The following ADCY1 variants were observed in gnomAD, a reference collection of about 807,000 sequenced individuals.
The protein encoded by ADCY1 is adenylate cyclase type 1.
ADCY1 carries 28 observed loss-of-function variants against 105.4 expected under a neutral mutation model. That is an observed-to-expected ratio of 0.27 (90% confidence interval 0.20 to 0.36). ADCY1 has a LOEUF of 0.36. ADCY1 is among the 10% of genes least tolerant of loss of function. The pLI, the probability that ADCY1 is intolerant of heterozygous loss-of-function variation, is 1.00. For synonymous variants in ADCY1, 655 were observed against 623.8 expected (o/e 1.05, Z -0.75); for missense variants, 977 against 1,434.2 (o/e 0.68, Z 5.15).
At position 45,591,913 on chromosome 7, in the gene ADCY1, T is replaced by C. The variant is rs565704378; in HGVS notation, c.640-846T>C. Among the ~76,000 whole-genome samples the C allele has an allele frequency of 6.6e-6, 1 of 152,248 alleles. No homozygotes were observed. The highest frequency in any genetic ancestry group is 2.1e-4 in the South Asian group (1 of 4,814). On this transcript the variant is annotated intron_variant, in intron 1 of 19. Coordinates refer to ENST00000297323, the MANE Select transcript of ADCY1 (RefSeq NM_021116.4). This position sits in a 1 kb window ranked among gnomAD's most constrained non-coding sequence, Gnocchi z 4.1. ...GCTCCTTCTCAGGCTGGCCCCTTCT[T>C]TGTGTCTCATCTGTTGAAGCTGAAG...
intron 4 of ADCY1, among the ~76,000 whole-genome samples, chr7:45,626,510 T>G (rs1010097158): frequency 6.6e-6 from 1 of 152,146 alleles, no homozygotes; most frequent in African/African-American, 2.4e-5. Context: ...AGGATATCAT[T>G]ACAGCTGCAA....
chr7:45,600,169 G>T (rs1444540253), intron 2 of ADCY1, among the ~76,000 whole-genome samples: 1 of 152,264 alleles, frequency 6.6e-6, no homozygotes, highest in African/African-American at 2.4e-5. Context: ...TGGGCATCTG[G>T]TGGTCTATGA....
intron 4 of ADCY1, 127 bp from the exon 5 acceptor site, chr7:45,648,543 T>C: frequency 7.7e-7 from 1 of 1,297,692 alleles, no homozygotes; most frequent in Non-Finnish European, 1.1e-6. Context: ...GGGAAGGTGG[T>C]GGCCCAGGTG....
chr7:45,677,472 C>T (rs776523906), intron 8 of ADCY1, among the ~76,000 whole-genome samples: 5 of 152,176 alleles, frequency 3.3e-5, no homozygotes, highest in African/African-American at 7.2e-5. Context: ...CGTTTGCCAC[C>T]GTTTCTCTCT....
intron 4 of ADCY1, among the ~76,000 whole-genome samples, chr7:45,640,850 T>C (rs1794510728): frequency 1.3e-5 from 2 of 152,356 alleles, no homozygotes; most frequent in African/African-American, 2.4e-5. Flanking sequence ...CATTTACCTC[T>C]CAGGGCTAGC....
rs566327336 is a variant in ADCY1, at chr7:45,660,419, G to A, written c.1449+236G>A. ...CTAGTCAGAGATCTGGGATCACCTC[G>A]GGGCAGGCCGTTCTGTGTCCTCCTT... On this transcript the variant is annotated intron_variant, in intron 7 of 19. Coordinates refer to ENST00000297323, the MANE Select transcript of ADCY1 (RefSeq NM_021116.4). 7.9e-4 allele frequency among the ~76,000 whole-genome samples: 121 copies of A among 152,318 alleles called. 1 individual carries two copies. The highest frequency in any genetic ancestry group is 2.3e-3 in the African/African-American group (97 of 41,572).
chr7:45,600,551 G>A (rs1793202069), intron 2 of ADCY1, among the ~76,000 whole-genome samples: 1 of 152,236 alleles, frequency 6.6e-6, no homozygotes. Context: ...GGAAAATGGT[G>A]GCTTAAACAA....
At chr7:45,596,781 A>G (rs891986934) in intron 2 of ADCY1, among the ~76,000 whole-genome samples, 1 of 152,140 alleles carries the variant, frequency 6.6e-6, no homozygotes, top group Admixed American at 6.5e-5. Flanking sequence ...CTTGACCGGT[A>G]GAGAGTGGGG....
chr7:45,619,833 A>G (rs1302403810), intron 3 of ADCY1, among the ~76,000 whole-genome samples: 1 of 152,206 alleles, frequency 6.6e-6, no homozygotes, highest in Non-Finnish European at 1.5e-5. Flanking sequence ...ATATTTAACC[A>G]TACTGTATTG....
intron 4 of ADCY1, among the ~76,000 whole-genome samples, chr7:45,633,800 CAAAAA>C (rs754127020): frequency 4.0e-5 from 2 of 49,506 alleles, no homozygotes; most frequent in African/African-American, 1.3e-4. Flanking sequence ...GACATCATCG[CAAAAA>C]AAAAAAAAAA....
chr7:45,607,014 T>C (rs974198413), intron 2 of ADCY1, among the ~76,000 whole-genome samples: 7 of 152,160 alleles, frequency 4.6e-5, no homozygotes, highest in African/African-American at 1.7e-4. Context: ...CTTTTTTTTT[T>C]TTTAATCAGA....
chr7:45,700,676 T>C (rs916618821), intron 14 of ADCY1, among the ~76,000 whole-genome samples: 4 of 152,234 alleles, frequency 2.6e-5, no homozygotes, highest in Non-Finnish European at 5.9e-5. Context: ...AGTGCTGACC[T>C]GACACTGGCC....
chr7:45,578,356 T>C (rs963974297), intron 1 of ADCY1, among the ~76,000 whole-genome samples: 16 of 152,178 alleles, frequency 1.1e-4, no homozygotes, highest in Non-Finnish European at 1.6e-4. Flanking sequence ...TCCTTTCCTC[T>C]CCCAGCCCCT....
chr7:45,698,047 T>C (rs968528014), intron 14 of ADCY1, among the ~76,000 whole-genome samples: 1 of 152,170 alleles, frequency 6.6e-6, no homozygotes, highest in African/African-American at 2.4e-5. Context: ...AAACACATCA[T>C]GAGGGCTGTG....
At chr7:45,582,712 C>G (rs1562672279) in intron 1 of ADCY1, among the ~76,000 whole-genome samples, 1 of 152,212 alleles carries the variant, frequency 6.6e-6, no homozygotes, top group Non-Finnish European at 1.5e-5. Flanking sequence ...GGGCTCTTCT[C>G]TCAGTGGAGC....
intron 17 of ADCY1, among the ~76,000 whole-genome samples, chr7:45,707,212 CAAATG>C (rs1335064455): frequency 1.3e-5 from 2 of 152,092 alleles, no homozygotes; most frequent in Non-Finnish European, 2.9e-5. Flanking sequence ...GGTATATATC[CAAATG>C]AAATGAGAAC....
chr7:45,627,624 A>G (rs1444669512), intron 4 of ADCY1, among the ~76,000 whole-genome samples: 2 of 152,072 alleles, frequency 1.3e-5, no homozygotes, highest in Admixed American at 6.5e-5. Context: ...TGGCGCCCAC[A>G]TATGAGAATG....
intron 4 of ADCY1, among the ~76,000 whole-genome samples, chr7:45,631,757 C>T (rs991633775): frequency 6.6e-6 from 1 of 152,188 alleles, no homozygotes; most frequent in African/African-American, 2.4e-5. Context: ...GAGAAAGATA[C>T]ACAAATAATC....
chr7:45,679,674 A>G, intron 10 of ADCY1, 35 bp from the exon 11 acceptor site: 2 of 1,611,104 alleles, frequency 1.2e-6, no homozygotes, highest in Non-Finnish European at 1.7e-6. Flanking sequence ...CCTAATCCCC[A>G]CCTATCAGTG....
Sources: gnomAD v4.1 joint callset for allele counts (sites outside exome capture counted in the v4.1 genomes callset) on GRCh38, gnomAD v4.1.1 for gene constraint, Gnocchi (gnomAD v3.1) non-coding constraint, MANE v1.5 for transcripts, NCBI Gene and HGNC (gene_info 2026-07-23, HGNC 2026-07-21) for gene names.